The following RASGEF1B variants were observed in gnomAD, a reference collection of about 807,000 sequenced individuals.
The protein encoded by RASGEF1B is RasGEF domain family member 1B.
RASGEF1B carries 30 observed loss-of-function variants against 65.7 expected under a neutral mutation model. The observed-to-expected ratio is 0.46, with a 90% CI of 0.34 to 0.62. The LOEUF (loss-of-function observed/expected upper bound fraction) is 0.62. RASGEF1B is among the 20% of genes least tolerant of loss of function. RASGEF1B has a pLI of 0.01. For missense variants in RASGEF1B, 495 were observed against 580.1 expected, an observed-to-expected ratio of 0.85 and a Z score of 1.51; for synonymous variants, 175 against 194.8, an observed-to-expected ratio of 0.90 and a Z score of 0.85.
chr4:81,459,143 T>A, intron 2 of RASGEF1B, 189 bp downstream of exon 2: 1 of 532,520 alleles, frequency 1.9e-6, no homozygotes, highest in East Asian at 3.0e-5. Flanking sequence ...ATACACATAG[T>A]ATACCAAAAT....
chr4:81,445,488 TA>T (rs1462820809), intron 8 of RASGEF1B, 37 bp downstream of exon 8: 1 of 1,373,934 alleles, frequency 7.3e-7, no homozygotes, highest in African/African-American at 1.4e-5. Flanking sequence ...ACAGGATTCG[TA>T]AAGATAAACG....
At chr4:81,470,224 C>A (rs1041482481) in intron 1 of RASGEF1B, among the ~76,000 whole-genome samples, 1 of 151,976 alleles carries the variant, frequency 6.6e-6, no homozygotes, top group Admixed American at 6.6e-5. Context: ...ATTTTTATTT[C>A]TTTTTATTAA....
At chr4:81,451,450 T>C (rs568859296) in intron 4 of RASGEF1B, 1 of 152,142 alleles carries the variant, frequency 6.6e-6, no homozygotes, top group African/African-American at 2.4e-5. Context: ...GAATACTAGG[T>C]AAACATACAT....
chr4:81,443,513 G>T (rs62303596), intron 8 of RASGEF1B, among the ~76,000 whole-genome samples: 1 of 152,108 alleles, frequency 6.6e-6, no homozygotes, highest in Non-Finnish European at 1.5e-5. Flanking sequence ...CTAGAACTTC[G>T]TATCAATGAA....
rs1244369663 is a variant in RASGEF1B, at chr4:81,441,083, A to G, written c.1009-154T>C. 4.6e-5 allele frequency among the ~76,000 whole-genome samples: 7 copies of G among 152,250 alleles called. No individual in the cohort carries two copies. The East Asian group carries it at 5.8e-4, about 13-fold the overall frequency. Reference sequence around the variant, plus strand: ...TTATCCTTCTCATACACACAAATGCACATGACACAAGTGTTTTCTTTCCTG... The same window carrying G: ...TTATCCTTCTCATACACACAAATGCGCATGACACAAGTGTTTTCTTTCCTG... On this transcript the variant is annotated intron_variant, in intron 9 of 13. Transcript: ENST00000264400.
Position 81,442,312 on chromosome 4 carries a change from T to TTTTGCA in RASGEF1B, c.987_992dup (p.Ala330_Lys331insAsnAla), listed in dbSNP as rs1721867326. 1.2e-6 allele frequency: 2 copies of TTTTGCA among 1,611,144 alleles called. No individual in the cohort carries two copies. ...CTTCACATACCTCAAGAATGTCAAA[T>TTTTGCA]TTTGCAGTCTTCACTTTGGCCCAAG... On this transcript the variant is annotated inframe_insertion, in exon 9 of 14. Transcript: ENST00000264400.
intron 2 of RASGEF1B, among the ~76,000 whole-genome samples, chr4:81,457,977 ACTACCCAT>A (rs751318390): frequency 1.3e-5 from 2 of 152,218 alleles, no homozygotes; most frequent in African/African-American, 2.4e-5. Context: ...ACTTGAATAT[ACTACCCAT>A]ACAAAACATG....
chr4:81,451,650 T>C (rs1301646820), intron 4 of RASGEF1B: 1 of 152,184 alleles, frequency 6.6e-6, no homozygotes, highest in African/African-American at 2.4e-5. Context: ...TATTCCTATA[T>C]TACTTGATAT....
At chr4:81,435,323 A>ATGG (rs1721576672) in intron 10 of RASGEF1B, among the ~76,000 whole-genome samples, 1 of 148,324 alleles carries the variant, frequency 6.7e-6, no homozygotes, top group East Asian at 2.1e-4. Context: ...AGGCAGGAGA[A>ATGG]TGGCGTGAAC....
intron 4 of RASGEF1B, chr4:81,452,057 G>C (rs1260025457): frequency 6.6e-6 from 1 of 152,280 alleles, no homozygotes; most frequent in Non-Finnish European, 1.5e-5. Context: ...CCTTGTATAA[G>C]CCAAGTGTGA....
chr4:81,443,049 T>G (rs888876860), intron 8 of RASGEF1B, among the ~76,000 whole-genome samples: 6 of 152,182 alleles, frequency 3.9e-5, no homozygotes, highest in African/African-American at 1.4e-4. Context: ...GGATATCCAG[T>G]TAACAAGTAA....
chr4:81,442,248 T>C, intron 9 of RASGEF1B, 49 bp downstream of exon 9: 1 of 1,225,404 alleles, frequency 8.2e-7, no homozygotes, highest in Non-Finnish European at 1.2e-6. Flanking sequence ...GGAATTCCAC[T>C]TTCCAGGTGT....
intron 4 of RASGEF1B, chr4:81,452,483 T>G (rs978630598): frequency 6.6e-6 from 1 of 152,172 alleles, no homozygotes; most frequent in Non-Finnish European, 1.5e-5. Context: ...AGCAAAAAAC[T>G]GCATCAAAAT....
chr4:81,446,659 G>A lies in RASGEF1B; in HGVS notation c.730-821C>T, dbSNP rs186753325. 1.3e-3 allele frequency among the ~76,000 whole-genome samples: 191 copies of A among 152,272 alleles called. 2 individuals are homozygous for A. Among genetic ancestry groups the A allele is most frequent in the Non-Finnish European group, 4.0e-4 (27 of 68,028 alleles). The stretch of plus-strand genomic sequence containing the variant: ...ATAAACAGAAGTCTACACCATCATG[G>A]TCTTTAGTAGGGTGAGTAACACATT... On this transcript the variant is annotated intron_variant, in intron 6 of 13. Transcript: ENST00000264400.
intron 1 of RASGEF1B, among the ~76,000 whole-genome samples, chr4:81,469,339 C>A (rs1386117141): frequency 6.6e-6 from 1 of 152,158 alleles, no homozygotes. Flanking sequence ...CAAGGAGGTG[C>A]TCTCCTGGGG....
rs537279660 is a variant in RASGEF1B, at chr4:81,448,077, T to C, written c.646A>G (p.Ile216Val). 9.3e-6 allele frequency: 15 copies of C among 1,613,650 alleles called. No individual in the cohort carries two copies. Among genetic ancestry groups the C allele is most frequent in the Non-Finnish European group, 1.3e-5 (15 of 1,179,682 alleles). The change falls in exon 5 of 14, where the codon ATA becomes GTA. Residue 216 changes from isoleucine (I) to valine (V), a missense_variant. By Grantham distance (29) the Ile-to-Val change is conservative. Coordinates refer to ENST00000264400, the MANE Select transcript of RASGEF1B (RefSeq NM_152545.3). ...GATGATAACGGCCTTACCAGCTCTA[T>C]ATGAGTCAGCTGCTGGGCCAACGTG... is the stretch of plus-strand genomic sequence containing the variant. ...PYTLAQQLTHIELERLNYIGP... is the reference protein window; with the variant it reads ...PYTLAQQLTHVELERLNYIGP...
chr4:81,441,797 C>T (rs1250984199), intron 9 of RASGEF1B, among the ~76,000 whole-genome samples: 1 of 152,120 alleles, frequency 6.6e-6, no homozygotes. Flanking sequence ...CCTGCCTCAG[C>T]CTCCCAAAGT....
At position 81,456,631 on chromosome 4, in the gene RASGEF1B, G is replaced by C; in HGVS notation, c.438+20C>G. On this transcript the variant is annotated intron_variant, in intron 4 of 13. Coordinates refer to ENST00000264400, the MANE Select transcript of RASGEF1B (RefSeq NM_152545.3). ...TCTGCCTGGGAATTCCAGCAGCCGC[G>C]CTAAATTCAGGTTACCAACCTCTTC... is the stretch of plus-strand genomic sequence containing the variant. The C allele has an allele frequency of 6.2e-7, 1 of 1,613,302 alleles. No individual in the cohort carries two copies.
rs181606123 is a variant in RASGEF1B, at chr4:81,443,984, G to A, written c.928+1542C>T. Among the ~76,000 whole-genome samples, 8 of 152,238 alleles carry A rather than the reference G, an allele frequency of 5.3e-5. No individual in the cohort carries two copies. In the East Asian group the frequency reaches 1.2e-3, roughly 22 times the overall value. The stretch of plus-strand genomic sequence containing the variant: ...TTCCAGTCATTCTAGTGTATGCAAT[G>A]GTATTAATATTTTGCTGCAATTTAA... On this transcript the variant is annotated intron_variant, in intron 8 of 13. Transcript: ENST00000264400.
Sources: allele counts gnomAD v4.1 joint callset (sites outside exome capture counted in the v4.1 genomes callset), GRCh38; gene constraint gnomAD v4.1.1; transcripts MANE v1.5; gene names NCBI Gene and HGNC (gene_info 2026-07-23, HGNC 2026-07-21).